RFC3: variants seen among roughly 807,000 people sequenced by gnomAD.
RFC3 encodes the protein A1 38 kDa subunit.
RFC3 carries 41 observed loss-of-function variants against 45.1 expected under a neutral mutation model. That is an observed-to-expected ratio of 0.91 (90% CI 0.71 to 1.18). RFC3 has a LOEUF of 1.18. RFC3 is among the 50% of genes most tolerant of loss of function. RFC3 has a pLI of 0.00. For missense variants in RFC3, 423 were observed against 428.1 expected (o/e 0.99, Z 0.10); for synonymous variants, 149 against 144.0 (o/e 1.03, Z -0.25).
chr13:33,961,140 C>T (rs2083054707), intron 8 of RFC3, among the ~76,000 whole-genome samples: 1 of 152,072 alleles, frequency 6.6e-6, no homozygotes, highest in Non-Finnish European at 1.5e-5. Flanking sequence ...ACTGAGTGTC[C>T]TGGATTTTTA....
intron 8 of RFC3, chr13:33,850,256 T>G (rs1323048071): frequency 2.0e-5 from 3 of 152,138 alleles, no homozygotes; most frequent in Non-Finnish European, 4.4e-5. Flanking sequence ...AAAAATAAAC[T>G]TTCTAATAAC....
At chr13:33,895,357 A>G (rs191857577) in intron 8 of RFC3, among the ~76,000 whole-genome samples, 89 of 152,330 alleles carry the variant, frequency 5.8e-4, no homozygotes, top group Non-Finnish European at 6.2e-4. Flanking sequence ...TCAAAAGAAG[A>G]TGTACAAATG....
intron 4 of RFC3, among the ~76,000 whole-genome samples, chr13:33,827,231 G>A (rs1217751773): frequency 6.6e-6 from 1 of 152,180 alleles, no homozygotes; most frequent in Non-Finnish European, 1.5e-5. Context: ...CAAGGTTGCA[G>A]TGAGCTGTGA....
At chr13:33,915,416 A>G (rs1008252077) in intron 8 of RFC3, among the ~76,000 whole-genome samples, 6 of 152,194 alleles carry the variant, frequency 3.9e-5, no homozygotes, top group African/African-American at 1.4e-4. Context: ...TGCGTGGACC[A>G]TAAGGTTTAT....
intron 8 of RFC3, chr13:33,849,691 A>G (rs1042569819): frequency 6.6e-6 from 1 of 152,204 alleles, no homozygotes; most frequent in African/African-American, 2.4e-5. Context: ...AGCCTGGCCA[A>G]CGTGGTGAAG....
intron 8 of RFC3, among the ~76,000 whole-genome samples, chr13:33,870,404 G>A (rs2082399718): frequency 6.6e-6 from 1 of 152,166 alleles, no homozygotes; most frequent in Non-Finnish European, 1.5e-5. Context: ...ACATCTCAAT[G>A]ATGGCAAAAT....
At chr13:33,923,942 A>G (rs1300197755) in intron 8 of RFC3, among the ~76,000 whole-genome samples, 1 of 152,120 alleles carries the variant, frequency 6.6e-6, no homozygotes, top group Non-Finnish European at 1.5e-5. Flanking sequence ...TTAGAGCTGG[A>G]GTTATCTCTG....
intron 8 of RFC3, among the ~76,000 whole-genome samples, chr13:33,960,046 C>T (rs2083046707): frequency 1.3e-5 from 2 of 152,006 alleles, no homozygotes; most frequent in Non-Finnish European, 2.9e-5. Context: ...CCCATGTGAA[C>T]TCACTGTTGT....
intron 8 of RFC3, among the ~76,000 whole-genome samples, chr13:33,859,211 T>C (rs1414317950): frequency 2.6e-5 from 4 of 152,200 alleles, no homozygotes; most frequent in Admixed American, 2.0e-4. Flanking sequence ...ACTCGGAAGC[T>C]GAGCATGAAC....
chr13:33,900,275 A>G (rs2082631678), intron 8 of RFC3, among the ~76,000 whole-genome samples: 1 of 152,078 alleles, frequency 6.6e-6, no homozygotes, highest in Non-Finnish European at 1.5e-5. Flanking sequence ...TTGACTTCAA[A>G]ATTTACTACA....
intron 8 of RFC3, among the ~76,000 whole-genome samples, chr13:33,965,417 C>G (rs915257254): frequency 3.9e-5 from 6 of 152,148 alleles, no homozygotes; most frequent in Admixed American, 6.5e-5. Context: ...GGTTTGTAGC[C>G]TAGGAGCTAT....
At chr13:33,899,188 C>T (rs993012401) in intron 8 of RFC3, among the ~76,000 whole-genome samples, 8 of 68,904 alleles carry the variant, frequency 1.2e-4, no homozygotes, top group South Asian at 4.3e-4. Context: ...CAAAACCAGA[C>T]GAAGACACAA....
chr13:33,848,705 A>T lies in RFC3; in HGVS notation c.879+13488A>T, dbSNP rs191078891. ...TCATCAAATGAACCATAACAGGCAG[A>T]CTAGATGGACTCATGGCTAGGTATA... On this transcript the variant is annotated intron_variant, in intron 8 of 8. Coordinates refer to the RFC3 transcript ENST00000434425. 3.9e-5 allele frequency: 6 copies of T among 152,254 alleles called. No individual in the cohort carries two copies. In the East Asian group the frequency reaches 1.2e-3, roughly 29 times the overall value. 9.4% of individuals were successfully genotyped at this position (152,254 alleles called of 1,614,324 possible).
chr13:33,844,069 C>T lies in RFC3; in HGVS notation c.879+8852C>T, dbSNP rs539230448. On this transcript the variant is annotated intron_variant, in intron 8 of 8. Transcript: ENST00000434425. ...GATGATTAATCATGTTTTTCTACTTCTTTGTTGAGTAATTGTGAATAGTAT... is the reference window on the plus strand; with the variant it reads ...GATGATTAATCATGTTTTTCTACTTTTTTGTTGAGTAATTGTGAATAGTAT... Among the ~76,000 whole-genome samples the T allele has an allele frequency of 4.6e-5, 7 of 152,166 alleles. No individual in the cohort carries two copies. The East Asian group carries it at 1.3e-3, about 29-fold the overall frequency.
intron 8 of RFC3, among the ~76,000 whole-genome samples, chr13:33,924,211 C>T (rs113163272): frequency 0.01 from 1,528 of 151,720 alleles, 9 homozygotes; most frequent in Non-Finnish European, 0.015. Context: ...TAGGTGGAAG[C>T]ATATTAGTTC....
At chr13:33,854,597 G>C (rs1339021974) in intron 8 of RFC3, among the ~76,000 whole-genome samples, 5 of 152,152 alleles carry the variant, frequency 3.3e-5, no homozygotes, top group African/African-American at 1.2e-4. Context: ...TAGTTCCATA[G>C]CTACAGATGG....
At chr13:33,897,726 T>C (rs1421389487) in intron 8 of RFC3, among the ~76,000 whole-genome samples, 1 of 152,012 alleles carries the variant, frequency 6.6e-6, no homozygotes, top group Non-Finnish European at 1.5e-5. Flanking sequence ...TGGAAGAAGA[T>C]ATTCCAGGCA....
chr13:33,892,776 A>G (rs181914790), intron 8 of RFC3, among the ~76,000 whole-genome samples: 11 of 152,314 alleles, frequency 7.2e-5, no homozygotes, highest in African/African-American at 2.6e-4. Flanking sequence ...ATCACCAGCA[A>G]TATCTCAGAG....
intron 8 of RFC3, among the ~76,000 whole-genome samples, chr13:33,888,242 CA>C (rs2082539439): frequency 6.6e-6 from 1 of 152,118 alleles, no homozygotes; most frequent in Admixed American, 6.5e-5. Flanking sequence ...CATGCAAGTT[CA>C]GGGGGCACCA....
Sources: gnomAD v4.1 joint callset for allele counts (sites outside exome capture counted in the v4.1 genomes callset) on GRCh38, gnomAD v4.1.1 for gene constraint, MANE v1.5 for transcripts, NCBI Gene and HGNC (gene_info 2026-07-23, HGNC 2026-07-21) for gene names.